The following DNM3 variants were observed in gnomAD, a reference collection of about 807,000 sequenced individuals.
The protein encoded by DNM3 is dynamin-3.
Under a neutral mutation model 101.6 loss-of-function variants are expected in DNM3, and 47 were observed. That is an observed-to-expected ratio of 0.46 (90% CI 0.37 to 0.59). DNM3 has a LOEUF of 0.59. Ranked by LOEUF, DNM3 falls within the 20% of genes least tolerant of loss-of-function variation. The pLI, the probability that DNM3 is intolerant of heterozygous loss-of-function variation, is 0.00. For missense variants in DNM3, 849 were observed against 1,085.7 expected, an observed-to-expected ratio of 0.78 and a Z score of 3.06; for synonymous variants, 385 against 387.9, an observed-to-expected ratio of 0.99 and a Z score of 0.09.
At chr1:172,196,221 T>C (rs142901209) in intron 14 of DNM3, among the ~76,000 whole-genome samples, 494 of 152,000 alleles carry the variant, frequency 3.2e-3, no homozygotes, top group Non-Finnish European at 5.2e-3. Context: ...CCATGTTCCC[T>C]CAAAAGACAA....
chr1:172,320,828 C>T (rs937710723), intron 16 of DNM3, among the ~76,000 whole-genome samples: 1 of 152,198 alleles, frequency 6.6e-6, no homozygotes, highest in Non-Finnish European at 1.5e-5. Flanking sequence ...CAAGCCTGCT[C>T]TCAGATGCGC....
intron 13 of DNM3, among the ~76,000 whole-genome samples, chr1:172,104,450 A>C (rs1244798273): frequency 6.6e-6 from 1 of 152,058 alleles, no homozygotes; most frequent in Non-Finnish European, 1.5e-5. Flanking sequence ...ATGCTTATTG[A>C]CCACTAGTAT....
chr1:172,187,647 A>G (rs1288445187), intron 14 of DNM3, among the ~76,000 whole-genome samples: 1 of 152,084 alleles, frequency 6.6e-6, no homozygotes, highest in Non-Finnish European at 1.5e-5. Context: ...ATGTGACAGC[A>G]GATGCATGGA....
chr1:171,960,869 A>G (rs985946705), intron 2 of DNM3, among the ~76,000 whole-genome samples: 4 of 152,154 alleles, frequency 2.6e-5, no homozygotes, highest in Admixed American at 2.0e-4. Context: ...GCAGGAAGTA[A>G]GGAAGTGCAT....
chr1:172,108,730 T>G (rs72719070), intron 13 of DNM3, among the ~76,000 whole-genome samples: 4 of 152,316 alleles, frequency 2.6e-5, no homozygotes, highest in Non-Finnish European at 5.9e-5. Context: ...ATGAGTGCCC[T>G]GGTTTTATAA....
intron 15 of DNM3, among the ~76,000 whole-genome samples, chr1:172,280,105 G>A (rs1573269792): frequency 1.3e-5 from 2 of 152,148 alleles, no homozygotes; most frequent in Admixed American, 6.6e-5. Flanking sequence ...AATATGTTGA[G>A]CTTGTTCCTG....
intron 17 of DNM3, among the ~76,000 whole-genome samples, chr1:172,330,888 G>A (rs1052707808): frequency 2.6e-5 from 4 of 152,100 alleles, no homozygotes; most frequent in African/African-American, 9.7e-5. Context: ...TGGAAACTAA[G>A]CATCTGAGAC....
rs1186436868 is a variant in DNM3 at position 172,375,657 on chromosome 1, C to A, written c.1894-3361C>A. Among the ~76,000 whole-genome samples the A allele has an allele frequency of 2.6e-5, 4 of 152,044 alleles. No individual in the cohort carries two copies. The South Asian group carries it at 8.3e-4, about 32-fold the overall frequency. On this transcript the variant is annotated intron_variant, in intron 17 of 20. Coordinates refer to ENST00000627582, the MANE Select transcript of DNM3 (RefSeq NM_015569.5). ...TCAAGCCCAGTGCTTCTATAATAGA[C>A]GCCCCAAGGTATGGTGAGAATTATT... is the stretch of plus-strand genomic sequence containing the variant.
chr1:172,395,462 C>T (rs1388530753), intron 20 of DNM3, among the ~76,000 whole-genome samples: 2 of 152,138 alleles, frequency 1.3e-5, no homozygotes, highest in Non-Finnish European at 2.9e-5. Context: ...TGAGCCACCA[C>T]ACCAGGCCTA....
chr1:172,133,874 T>A (rs945840494), intron 14 of DNM3, among the ~76,000 whole-genome samples: 4 of 152,074 alleles, frequency 2.6e-5, no homozygotes, highest in Admixed American at 1.3e-4. Flanking sequence ...GGAGATAAAA[T>A]CAGAGGTACC....
intron 2 of DNM3, among the ~76,000 whole-genome samples, chr1:171,943,630 C>T (rs957626360): frequency 6.6e-6 from 1 of 152,118 alleles, no homozygotes; most frequent in Non-Finnish European, 1.5e-5. Context: ...CCTGGAAGCC[C>T]CCTGCTTCCA....
intron 2 of DNM3, among the ~76,000 whole-genome samples, chr1:171,932,702 A>G (rs898567967): frequency 2.0e-5 from 3 of 152,158 alleles, no homozygotes; most frequent in African/African-American, 7.2e-5. Flanking sequence ...ATCTTATTCT[A>G]CATTTGGTAG....
intron 2 of DNM3, among the ~76,000 whole-genome samples, chr1:171,971,707 AAAAAAC>A (rs1295710150): frequency 6.6e-6 from 1 of 152,292 alleles, no homozygotes; most frequent in East Asian, 1.9e-4. Context: ...AGGCTTGCTA[AAAAAAC>A]AAAAACAAAA....
intron 1 of DNM3, among the ~76,000 whole-genome samples, chr1:171,869,441 C>T (rs2125077432): frequency 6.6e-6 from 1 of 152,308 alleles, no homozygotes; most frequent in East Asian, 1.9e-4. Context: ...GCAGCATTTC[C>T]TCATAAGGAA....
chr1:171,940,219 T>A (rs1446003870), intron 2 of DNM3, among the ~76,000 whole-genome samples: 1 of 152,208 alleles, frequency 6.6e-6, no homozygotes, highest in Non-Finnish European at 1.5e-5. Flanking sequence ...AATAATTGTG[T>A]TAGTTTAATA....
intron 13 of DNM3, among the ~76,000 whole-genome samples, chr1:172,100,412 C>T (rs2054552183): frequency 6.6e-6 from 1 of 152,146 alleles, no homozygotes; most frequent in African/African-American, 2.4e-5. Flanking sequence ...TGCCATGTCC[C>T]CTAGTTCTTC....
At chr1:172,081,360 T>C (rs568801638) in intron 11 of DNM3, among the ~76,000 whole-genome samples, 81 of 152,298 alleles carry the variant, frequency 5.3e-4, no homozygotes, top group Middle Eastern at 3.4e-3. Context: ...CTTGAGATGG[T>C]TCTTTAAGCT....
intron 15 of DNM3, among the ~76,000 whole-genome samples, chr1:172,265,977 C>T (rs1387084283): frequency 6.6e-6 from 1 of 152,190 alleles, no homozygotes; most frequent in African/African-American, 2.4e-5. Context: ...TGTTCCAATT[C>T]ACCTCCTCCC....
At chr1:171,875,389 C>A (rs1003095456) in intron 1 of DNM3, among the ~76,000 whole-genome samples, 1 of 152,198 alleles carries the variant, frequency 6.6e-6, no homozygotes, top group Non-Finnish European at 1.5e-5. Context: ...ACCAAAGTTA[C>A]TTAAAAAGCC....
Sources: allele counts gnomAD v4.1 joint callset (sites outside exome capture counted in the v4.1 genomes callset), GRCh38; gene constraint gnomAD v4.1.1; transcripts MANE v1.5; gene names NCBI Gene and HGNC (gene_info 2026-07-23, HGNC 2026-07-21).